The following NRG1 variants were observed in gnomAD, a reference collection of about 807,000 sequenced individuals.
NRG1 encodes the protein neuregulin 1.
In NRG1, 18 loss-of-function variants were observed where a neutral mutation model predicts 63.8. The ratio of observed to expected loss-of-function variants is 0.28; its 90% CI spans 0.19 to 0.42. NRG1 has a LOEUF of 0.42. Ranked by LOEUF, NRG1 falls within the 10% of genes least tolerant of loss-of-function variation. The pLI is 1.00. For missense variants in NRG1, 762 were observed against 814.7 expected, an observed-to-expected ratio of 0.94 and a Z score of 0.79; for synonymous variants, 302 against 301.3, an observed-to-expected ratio of 1.00 and a Z score of -0.02.
At chr8:32,244,769 G>A (rs779501985) in intron 1 of NRG1, among the ~76,000 whole-genome samples, 4 of 152,156 alleles carry the variant, frequency 2.6e-5, no homozygotes, top group Admixed American at 6.6e-5. Flanking sequence ...CATTATTGTC[G>A]TAACATCACC....
intron 1 of NRG1, among the ~76,000 whole-genome samples, chr8:32,197,570 C>T (rs1201638754): frequency 2.6e-5 from 4 of 152,214 alleles, no homozygotes; most frequent in Non-Finnish European, 4.4e-5. Context: ...AAAGTGAGAA[C>T]TTGGATCAGG....
intron 1 of NRG1, among the ~76,000 whole-genome samples, chr8:31,891,204 T>C (rs1831118196): frequency 6.6e-6 from 1 of 152,144 alleles, no homozygotes; most frequent in Non-Finnish European, 1.5e-5. Flanking sequence ...TTTAAAAGGA[T>C]GGAAAGACAA....
chr8:32,772,036 AATATGTATATATATATATATATATAT>A (rs1189769125), downstream of NRG1, among the ~76,000 whole-genome samples: 1 of 13,930 alleles, frequency 7.2e-5, no homozygotes, highest in African/African-American at 1.3e-4. Flanking sequence ...AAAAAAAAAA[AATATGTATATATATATATATATATAT>A]ATATATATAT....
At position 31,640,863 on chromosome 8, in the gene NRG1, G is replaced by A. The variant is rs1803697136; in HGVS notation, c.37+1432G>A. On this transcript the variant is annotated intron_variant, in intron 1 of 10. Transcript: ENST00000519301. This position sits in a 1 kb window ranked among gnomAD's most constrained non-coding sequence, Gnocchi z 6.3. ...TCCCAGTTGTTGGTTTCAGGGTGGT[G>A]GGTTCTCAGCGATCCTCAGAGAGGG... 1 of 1,389,150 alleles carries A rather than the reference G, an allele frequency of 7.2e-7. No homozygotes were observed. Among genetic ancestry groups the A allele is most frequent in the Admixed American group, 3.3e-5 (1 of 30,402 alleles). The allele number at this position is 1,389,150 out of a possible 1,614,324, so 86.1% of individuals were successfully genotyped here.
chr8:32,016,021 T>C (rs565627362), intron 1 of NRG1, among the ~76,000 whole-genome samples: 5 of 152,300 alleles, frequency 3.3e-5, no homozygotes, highest in African/African-American at 7.2e-5. Flanking sequence ...AAGGCATGTA[T>C]TGAGGTCAGT....
At chr8:31,694,503 A>G (rs888404234) in intron 1 of NRG1, among the ~76,000 whole-genome samples, 11 of 152,166 alleles carry the variant, frequency 7.2e-5, no homozygotes, top group African/African-American at 2.7e-4. Context: ...GCTTTTGGAG[A>G]GGGCAGAGTG....
chr8:31,653,648 G>A (rs1185941360), intron 1 of NRG1, among the ~76,000 whole-genome samples: 1 of 152,224 alleles, frequency 6.6e-6, no homozygotes, highest in African/African-American at 2.4e-5. Flanking sequence ...AGCTGATGAT[G>A]AAAGGCATCT....
At chr8:32,236,726 G>A (rs113267040) in intron 1 of NRG1, among the ~76,000 whole-genome samples, 3 of 152,332 alleles carry the variant, frequency 2.0e-5, no homozygotes, top group Admixed American at 1.3e-4. Context: ...AACATGTGTG[G>A]TGCTTGAGAG....
intron 1 of NRG1, among the ~76,000 whole-genome samples, chr8:32,055,008 C>A (rs527680406): frequency 4.0e-5 from 6 of 151,396 alleles, no homozygotes; most frequent in African/African-American, 1.5e-4. Context: ...CTGCCTCAAC[C>A]TCCCGAGTTG....
Position 31,640,321 on chromosome 8 carries a change from G to T in NRG1, c.37+890G>T. ...GGCGGGCGAGGCAGGGGCGTGGGGC[G>T]GCGATCGCGAGCCGCCAGCCGCGGG... On this transcript the variant is annotated intron_variant, in intron 1 of 10. Coordinates refer to the NRG1 transcript ENST00000519301. The surrounding 1 kb of genome is among the most constrained non-coding windows in gnomAD (Gnocchi z 6.3). The T allele has an allele frequency of 8.6e-7, 1 of 1,165,100 alleles. No individual in the cohort carries two copies. Among genetic ancestry groups the T allele is most frequent in the Non-Finnish European group, 1.1e-6 (1 of 946,182 alleles). 72.2% of individuals were successfully genotyped at this position (1,165,100 alleles called of 1,614,324 possible).
chr8:32,122,459 G>A (rs1833572594), intron 1 of NRG1, among the ~76,000 whole-genome samples: 1 of 151,932 alleles, frequency 6.6e-6, no homozygotes, highest in Non-Finnish European at 1.5e-5. Flanking sequence ...TCACATGGGT[G>A]AAAATCCTAT....
chr8:32,054,128 C>T (rs1005033239), intron 1 of NRG1, among the ~76,000 whole-genome samples: 19 of 152,070 alleles, frequency 1.2e-4, no homozygotes, highest in African/African-American at 4.6e-4. Flanking sequence ...AGAAAACTTC[C>T]TTTTTGCCCA....
intron 1 of NRG1, among the ~76,000 whole-genome samples, chr8:31,883,808 A>G (rs1464412290): frequency 6.6e-6 from 1 of 152,108 alleles, no homozygotes; most frequent in African/African-American, 2.4e-5. Context: ...GCCACCACAG[A>G]TAGACTGTTT....
chr8:32,577,860 A>T (rs1042261061), intron 1 of NRG1, among the ~76,000 whole-genome samples: 1 of 152,068 alleles, frequency 6.6e-6, no homozygotes, highest in African/African-American at 2.4e-5. Context: ...TTGTAACTTC[A>T]TCTGTGCCAT....
chr8:32,457,165 C>T (rs1446937044), intron 1 of NRG1, among the ~76,000 whole-genome samples: 1 of 151,878 alleles, frequency 6.6e-6, no homozygotes, highest in Non-Finnish European at 1.5e-5. Context: ...AATTATATCT[C>T]CTCTTAGAAG....
intron 1 of NRG1, among the ~76,000 whole-genome samples, chr8:31,661,864 G>A (rs1012918118): frequency 6.6e-6 from 1 of 152,304 alleles, no homozygotes; most frequent in Admixed American, 6.5e-5. Context: ...CAAACACTGG[G>A]CTAGGTGTTA....
chr8:31,901,588 AG>A (rs1832084493), intron 1 of NRG1, among the ~76,000 whole-genome samples: 1 of 152,200 alleles, frequency 6.6e-6, no homozygotes, highest in Non-Finnish European at 1.5e-5. Context: ...TGCCTTAAAA[AG>A]TTGTACTAAA....
intron 1 of NRG1, among the ~76,000 whole-genome samples, chr8:32,468,687 T>C (rs938256762): frequency 6.6e-6 from 1 of 151,818 alleles, no homozygotes; most frequent in Admixed American, 6.6e-5. Flanking sequence ...AATTAGTATC[T>C]ACTTAAATAA....
downstream of NRG1, among the ~76,000 whole-genome samples, chr8:32,772,133 T>C (rs1831869559): frequency 6.7e-6 from 1 of 150,134 alleles, no homozygotes; most frequent in African/African-American, 2.4e-5. Flanking sequence ...TAGACGGCTC[T>C]GGTTTCAGAT....
Sources: gnomAD v4.1 joint callset for allele counts (sites outside exome capture counted in the v4.1 genomes callset) on GRCh38, gnomAD v4.1.1 for gene constraint, Gnocchi (gnomAD v3.1) non-coding constraint, MANE v1.5 for transcripts, NCBI Gene and HGNC (gene_info 2026-07-23, HGNC 2026-07-21) for gene names.